Variants in SLC4A10 observed in about 807,000 individuals in gnomAD.
SLC4A10 encodes sodium-driven chloride bicarbonate exchanger.
A neutral mutation model predicts 137.7 loss-of-function variants in SLC4A10; 42 were observed. The observed-to-expected ratio is 0.30, with a 90% CI of 0.24 to 0.39. The LOEUF is 0.39. SLC4A10 is among the 10% of genes least tolerant of loss of function. The pLI is 1.00. For synonymous variants in SLC4A10, 474 were observed against 464.1 expected (o/e 1.02, Z -0.27); for missense variants, 925 against 1,355.0 (o/e 0.68, Z 4.98).
At chr2:161,810,468 C>G (rs1274405703) in intron 3 of SLC4A10, among the ~76,000 whole-genome samples, 1 of 151,900 alleles carries the variant, frequency 6.6e-6, no homozygotes, top group Non-Finnish European at 1.5e-5. Context: ...ATAGTTATAG[C>G]TTTTGCCCAT....
chr2:161,921,493 A>G (rs1167775419), intron 15 of SLC4A10, among the ~76,000 whole-genome samples: 1 of 152,228 alleles, frequency 6.6e-6, no homozygotes, highest in East Asian at 1.9e-4. Context: ...CTACTGGCTG[A>G]GACAATGGTA....
chr2:161,900,418 G>T (rs182219582), intron 11 of SLC4A10, among the ~76,000 whole-genome samples: 1 of 151,958 alleles, frequency 6.6e-6, no homozygotes, highest in South Asian at 2.1e-4. Flanking sequence ...ACTATGCCAC[G>T]CATATAACAC....
intron 1 of SLC4A10, among the ~76,000 whole-genome samples, chr2:161,637,591 A>G (rs1434367940): frequency 6.6e-6 from 1 of 152,128 alleles, no homozygotes; most frequent in Non-Finnish European, 1.5e-5. Flanking sequence ...GTTGGTGTAA[A>G]CATGGGAGTA....
At chr2:161,644,509 G>T (rs1406449046) in intron 1 of SLC4A10, among the ~76,000 whole-genome samples, 8 of 131,594 alleles carry the variant, frequency 6.1e-5, no homozygotes, top group Admixed American at 1.5e-4. Flanking sequence ...GTAAATTAAT[G>T]AATTAAAATT....
At chr2:161,733,045 G>T (rs1399807564) in intron 1 of SLC4A10, among the ~76,000 whole-genome samples, 1 of 152,146 alleles carries the variant, frequency 6.6e-6, no homozygotes. Context: ...GGGAAACAGA[G>T]CATAAAAGTT....
intron 10 of SLC4A10, among the ~76,000 whole-genome samples, chr2:161,891,191 TA>T (rs2062874453): frequency 6.6e-6 from 1 of 152,146 alleles, no homozygotes; most frequent in South Asian, 2.1e-4. Context: ...GTTCCCTTTG[TA>T]GGTAACCCGA....
chr2:161,712,918 A>G (rs2125070461), intron 1 of SLC4A10, among the ~76,000 whole-genome samples: 1 of 152,020 alleles, frequency 6.6e-6, no homozygotes, highest in East Asian at 1.9e-4. Flanking sequence ...AAAGAATTGT[A>G]CTGGGCAAGG....
At chr2:161,886,664 T>C (rs1401967577) in intron 10 of SLC4A10, among the ~76,000 whole-genome samples, 1 of 152,172 alleles carries the variant, frequency 6.6e-6, no homozygotes, top group African/African-American at 2.4e-5. Flanking sequence ...ACTAAGTCTC[T>C]GAGATTTTTT....
intron 23 of SLC4A10, among the ~76,000 whole-genome samples, chr2:161,974,022 T>C (rs962202047): frequency 2.6e-5 from 4 of 152,198 alleles, no homozygotes; most frequent in African/African-American, 9.6e-5. Context: ...ATGAAGGAGA[T>C]TGTTGTTAGC....
intron 1 of SLC4A10, among the ~76,000 whole-genome samples, chr2:161,673,698 C>T (rs565205752): frequency 7.2e-4 from 110 of 152,160 alleles, no homozygotes; most frequent in Admixed American, 1.8e-3. Context: ...ATTAGAAGTT[C>T]ATTAACAATG....
intron 3 of SLC4A10, among the ~76,000 whole-genome samples, chr2:161,810,656 G>A (rs975415113): frequency 1.3e-5 from 2 of 151,944 alleles, no homozygotes; most frequent in Non-Finnish European, 2.9e-5. Flanking sequence ...CTGTTTATGC[G>A]ATGAATCATA....
At chr2:161,906,919 G>A (rs1241172525) in intron 15 of SLC4A10, among the ~76,000 whole-genome samples, 1 of 151,956 alleles carries the variant, frequency 6.6e-6, no homozygotes, top group Non-Finnish European at 1.5e-5. Flanking sequence ...AGCCAGGCGT[G>A]GTGGCGGGCG....
chr2:161,807,272 T>C (rs773033092), intron 3 of SLC4A10, among the ~76,000 whole-genome samples: 15 of 152,134 alleles, frequency 9.9e-5, no homozygotes, highest in Non-Finnish European at 1.8e-4. Flanking sequence ...CCTTTTACTA[T>C]TGTGAATGCT....
At chr2:161,712,347 T>G (rs1464816341) in intron 1 of SLC4A10, among the ~76,000 whole-genome samples, 1 of 151,812 alleles carries the variant, frequency 6.6e-6, no homozygotes, top group East Asian at 1.9e-4. Context: ...TAACAGCAAC[T>G]TAAGGTCTTT....
At chr2:161,933,201 TTC>T (rs1277106093) in intron 15 of SLC4A10, among the ~76,000 whole-genome samples, 1 of 131,056 alleles carries the variant, frequency 7.6e-6, no homozygotes, top group Non-Finnish European at 1.7e-5. Flanking sequence ...CTTTCTTTCT[TTC>T]TTTCTTTCTT....
At chr2:161,964,451 C>A in intron 22 of SLC4A10, 143 bp downstream of exon 22, 1 of 855,054 alleles carries the variant, frequency 1.2e-6, no homozygotes, top group Non-Finnish European at 1.8e-6. Flanking sequence ...GAAAGTGTGA[C>A]TAAGATAGGG....
At chr2:161,641,192 T>C (rs2035274638) in intron 1 of SLC4A10, among the ~76,000 whole-genome samples, 3 of 152,188 alleles carry the variant, frequency 2.0e-5, no homozygotes, top group African/African-American at 7.2e-5. Context: ...TTTATTACAA[T>C]ATGATAGGCT....
intron 23 of SLC4A10, among the ~76,000 whole-genome samples, chr2:161,970,793 C>A (rs1425266142): frequency 6.6e-6 from 1 of 152,224 alleles, no homozygotes; most frequent in East Asian, 1.9e-4. Flanking sequence ...AATGCTATCA[C>A]TAAATACAAT....
intron 2 of SLC4A10, among the ~76,000 whole-genome samples, chr2:161,783,494 C>A (rs959889568): frequency 6.6e-6 from 1 of 151,878 alleles, no homozygotes; most frequent in African/African-American, 2.4e-5. Context: ...GGTAGGTAGA[C>A]CACTTGTAAT....
Sources: allele counts gnomAD v4.1 joint callset (sites outside exome capture counted in the v4.1 genomes callset), GRCh38; gene constraint gnomAD v4.1.1; transcripts MANE v1.5; gene names NCBI Gene and HGNC (gene_info 2026-07-23, HGNC 2026-07-21).